The following TJP1 variants were observed in gnomAD, a reference collection of about 807,000 sequenced individuals.
TJP1 encodes tight junction protein ZO-1.
In TJP1, 43 loss-of-function variants were observed where a neutral mutation model predicts 194.2. The observed-to-expected ratio is 0.22, with a 90% CI of 0.17 to 0.29. The LOEUF (loss-of-function observed/expected upper bound fraction) is 0.29, where lower values mean the gene tolerates loss of function less well. Ranked by LOEUF, TJP1 falls within the 10% of genes least tolerant of loss-of-function variation. The pLI is 1.00. For missense variants in TJP1, 1,971 were observed against 2,185.7 expected (o/e 0.90, Z 1.96); for synonymous variants, 801 against 779.0 (o/e 1.03, Z -0.47).
At chr15:29,839,321 T>C (rs1346465385) in intron 2 of TJP1, among the ~76,000 whole-genome samples, 2 of 152,030 alleles carry the variant, frequency 1.3e-5, no homozygotes, top group Admixed American at 6.5e-5. Context: ...TGAAGGACAT[T>C]TGAGTGGTTT....
At chr15:29,710,290 A>G (rs983868592) in intron 24 of TJP1, among the ~76,000 whole-genome samples, 5 of 152,214 alleles carry the variant, frequency 3.3e-5, no homozygotes, top group Admixed American at 2.0e-4. Flanking sequence ...CTGCTTGAAG[A>G]CTCACAAGCC....
chr15:29,919,386 C>T (rs2054285397), intron 2 of TJP1, among the ~76,000 whole-genome samples: 1 of 152,174 alleles, frequency 6.6e-6, no homozygotes, highest in Non-Finnish European at 1.5e-5. Context: ...TTGATTCATG[C>T]AGTCATACAA....
chr15:29,777,947 T>C (rs1239347716), intron 2 of TJP1, among the ~76,000 whole-genome samples: 1 of 152,126 alleles, frequency 6.6e-6, no homozygotes, highest in Non-Finnish European at 1.5e-5. Flanking sequence ...ATTTGAAAAA[T>C]TACTCTATGT....
chr15:29,820,581 T>C, intron 1 of TJP1: 1 of 716,758 alleles, frequency 1.4e-6, no homozygotes, highest in Non-Finnish European at 2.6e-6. Context: ...AAATAACCTC[T>C]TAAAAAGTGT....
intron 2 of TJP1, among the ~76,000 whole-genome samples, chr15:29,793,228 T>C (rs2048205287): frequency 1.3e-5 from 2 of 152,324 alleles, no homozygotes; most frequent in Non-Finnish European, 2.9e-5. Context: ...CTCATGATAC[T>C]AGCTGTGGGT....
chr15:29,710,958 G>A lies in TJP1; in HGVS notation c.4245C>T (p.Gly1415=), dbSNP rs2042206829. The part of the protein sequence containing the change: ...PEADGVDRSF[G]EKRYEPIQAT... The stretch of plus-strand genomic sequence containing the variant: ...CCTGGATGGGTTCATAGCGTTTCTC[G>A]CCAAATGATCTATCCACACCATCAG... The change falls in exon 24 of 28, where the codon GGC becomes GGT. Residue 1415 remains glycine (G), a synonymous_variant. Transcript: ENST00000614355. The A allele has an allele frequency of 2.5e-6, 4 of 1,613,862 alleles. No homozygotes were observed. The highest frequency in any genetic ancestry group is 1.1e-5 in the South Asian group (1 of 91,044).
chr15:29,712,972 T>C (rs527453809), intron 23 of TJP1, among the ~76,000 whole-genome samples: 1 of 152,292 alleles, frequency 6.6e-6, no homozygotes, highest in East Asian at 1.9e-4. Flanking sequence ...CATGTTCCTT[T>C]CTAGCAAGAC....
intron 2 of TJP1, among the ~76,000 whole-genome samples, chr15:29,845,172 G>A (rs2051363452): frequency 6.6e-6 from 1 of 152,194 alleles, no homozygotes; most frequent in Non-Finnish European, 1.5e-5. Context: ...AGTTTAAGAT[G>A]AGAATTTGCA....
At chr15:29,923,787 A>C (rs2054441525) in intron 2 of TJP1, among the ~76,000 whole-genome samples, 1 of 152,202 alleles carries the variant, frequency 6.6e-6, no homozygotes. Flanking sequence ...TGTACACTTT[A>C]AATGAGTGCA....
intron 12 of TJP1, among the ~76,000 whole-genome samples, chr15:29,733,927 G>A (rs189769782): frequency 1.6e-3 from 238 of 152,258 alleles, no homozygotes; most frequent in Non-Finnish European, 2.7e-3. Flanking sequence ...ACATCTGAGT[G>A]TATTGCTTAG....
chr15:29,770,332 C>T lies in TJP1; in HGVS notation c.312+1732G>A, dbSNP rs371050183. ...GTAGCGGTCGCCTGTAATCCCAAGGCTGAAGCACGAGAATCACCTGGACCA... is the reference window on the plus strand; with the variant it reads ...GTAGCGGTCGCCTGTAATCCCAAGGTTGAAGCACGAGAATCACCTGGACCA... On this transcript the variant is annotated intron_variant, in intron 4 of 27. Transcript: ENST00000614355. Among the ~76,000 whole-genome samples, 114 of 151,970 alleles carry T rather than the reference C, an allele frequency of 7.5e-4. 3 individuals carry two copies. In the South Asian group the frequency reaches 0.023, roughly 30 times the overall value.
At chr15:29,949,570 C>T (rs1372679163) in intron 2 of TJP1, among the ~76,000 whole-genome samples, 1 of 130,652 alleles carries the variant, frequency 7.7e-6, no homozygotes, top group African/African-American at 3.0e-5. Flanking sequence ...CCTCCACTTC[C>T]ACAACCACCA....
intron 2 of TJP1, among the ~76,000 whole-genome samples, chr15:29,950,173 T>TCCACCACCACCACAACCACC (rs2055674073): frequency 6.0e-5 from 1 of 16,746 alleles, no homozygotes; most frequent in Non-Finnish European, 1.4e-4. Flanking sequence ...CCACAACCAC[T>TCCACCACCACCACAACCACC]ACCTCCACCT....
At chr15:29,751,293 T>C (rs1214111254) in intron 8 of TJP1, among the ~76,000 whole-genome samples, 3 of 152,256 alleles carry the variant, frequency 2.0e-5, no homozygotes, top group Admixed American at 6.5e-5. Context: ...TTTCTCACAA[T>C]GTAAATCTGT....
chr15:29,862,916 G>C (rs2052145741), intron 2 of TJP1, among the ~76,000 whole-genome samples: 5 of 151,218 alleles, frequency 3.3e-5, no homozygotes, highest in Admixed American at 3.3e-4. Flanking sequence ...CCAAAGTACT[G>C]GGATTACAGG....
At chr15:29,821,105 A>T (rs2050307072) in intron 1 of TJP1, among the ~76,000 whole-genome samples, 1 of 152,246 alleles carries the variant, frequency 6.6e-6, no homozygotes. Context: ...TGTTTGAAAT[A>T]ACAAGTACTA....
intron 2 of TJP1, among the ~76,000 whole-genome samples, chr15:29,920,706 G>C (rs540512623): frequency 6.6e-6 from 1 of 152,282 alleles, no homozygotes; most frequent in East Asian, 1.9e-4. Context: ...AAGCTGCTGT[G>C]ACAGCCCTGC....
At chr15:29,735,063 T>C (rs1190312226) in intron 11 of TJP1, among the ~76,000 whole-genome samples, 2 of 152,132 alleles carry the variant, frequency 1.3e-5, no homozygotes, top group Non-Finnish European at 2.9e-5. Flanking sequence ...ATCTGTGTAA[T>C]GCAGGCTCAG....
chr15:29,705,697 C>A lies in TJP1; in HGVS notation c.4899G>T (p.Val1633=). The A allele has an allele frequency of 2.5e-6, 4 of 1,614,118 alleles. No homozygotes were observed. Among genetic ancestry groups the A allele is most frequent in the Non-Finnish European group, 3.4e-6 (4 of 1,180,028 alleles). ...TGTTAAATATGCCTCGGGCTGTGGC[C>A]ACCACAGTATGACCATCTTCATCTT... ...EDEDEDGHTV[V]ATARGIFNSN... Residue 1633 remains valine, a synonymous_variant, in exon 26 of 28, where the codon GTG becomes GTT. Coordinates refer to ENST00000614355, the MANE Select transcript of TJP1 (RefSeq NM_001330239.4).
Sources: allele counts gnomAD v4.1 joint callset (sites outside exome capture counted in the v4.1 genomes callset), GRCh38; gene constraint gnomAD v4.1.1; transcripts MANE v1.5; gene names NCBI Gene and HGNC (gene_info 2026-07-23, HGNC 2026-07-21).